The following TRPM7 variants were observed in gnomAD, a reference collection of about 807,000 sequenced individuals.
TRPM7 encodes LTRPC ion channel family member 7.
In TRPM7, 134 loss-of-function variants were observed where a neutral mutation model predicts 229.7. That is an observed-to-expected ratio of 0.58 (90% CI 0.51 to 0.67). TRPM7 has a LOEUF of 0.67. Ranked by LOEUF, TRPM7 falls within the 30% of genes least tolerant of loss-of-function variation. The probability of loss-of-function intolerance (pLI) is 0.00; values close to 1 mark genes in which losing one functional copy is unlikely to be tolerated. For missense variants in TRPM7, 1,901 were observed against 2,210.0 expected (o/e 0.86, Z 2.80); for synonymous variants, 699 against 715.2 (o/e 0.98, Z 0.36).
rs983543260 is a variant in TRPM7 at position 50,686,740 on chromosome 15, G to A, written c.-207C>T. ...CATAATTGTGCGACCAACTCCTCCG[G>A]GTGACTGGCCACAGGGACGCGCCCG... On this transcript the variant is annotated 5_prime_UTR_variant, in exon 1 of 39. Coordinates refer to ENST00000646667, the MANE Select transcript of TRPM7 (RefSeq NM_017672.6). 7.4e-5 allele frequency: 45 copies of A among 611,038 alleles called. No individual in the cohort carries two copies. Among genetic ancestry groups the A allele is most frequent in the South Asian group, 1.4e-4 (6 of 42,306 alleles). The allele number at this position is 611,038 out of a possible 1,614,324, so 37.9% of individuals were successfully genotyped here.
chr15:50,603,314 A>AT (rs35061176), intron 21 of TRPM7, among the ~76,000 whole-genome samples: 20 of 150,040 alleles, frequency 1.3e-4, no homozygotes, highest in South Asian at 2.1e-4. Context: ...TAGAAGACTG[A>AT]TTTTTTTTTT....
intron 3 of TRPM7, among the ~76,000 whole-genome samples, chr15:50,652,692 G>A (rs1290813340): frequency 6.6e-6 from 1 of 152,050 alleles, no homozygotes; most frequent in Non-Finnish European, 1.5e-5. Context: ...ATTTCATGAG[G>A]TGAGACTCAT....
At chr15:50,589,678 T>C in intron 26 of TRPM7, 22 bp from the exon 27 acceptor site, 1 of 1,528,480 alleles carries the variant, frequency 6.5e-7, no homozygotes, top group African/African-American at 1.4e-5. Flanking sequence ...AAAAAGATGT[T>C]GCAATGAGAA....
chr15:50,561,729 T>C lies in TRPM7; in HGVS notation c.5547A>G (p.Gly1849=). ...TTGATTCTGATTCTTTGGTGGAATTTCCAGGCTGAAGATTCAAATCTGAAG... is the reference window on the plus strand; with the variant it reads ...TTGATTCTGATTCTTTGGTGGAATTCCCAGGCTGAAGATTCAAATCTGAAG... ...DEPSDLNLQP[G]NSTKESESTN... is the part of the protein sequence containing the mutation. Residue 1849 remains glycine, a synonymous_variant, in exon 39 of 39, where the codon GGA becomes GGG. Transcript: ENST00000646667. The C allele has an allele frequency of 6.2e-7, 1 of 1,612,932 alleles. No homozygotes were observed. Among genetic ancestry groups the C allele is most frequent in the Non-Finnish European group, 8.5e-7 (1 of 1,179,574 alleles).
intron 1 of TRPM7, among the ~76,000 whole-genome samples, chr15:50,676,071 G>C: frequency 6.6e-6 from 1 of 152,194 alleles, no homozygotes; most frequent in South Asian, 2.1e-4. Flanking sequence ...ATGGCACATA[G>C]TCAAATTTCA....
chr15:50,665,875 C>A (rs1321648030), intron 1 of TRPM7, among the ~76,000 whole-genome samples: 2 of 152,028 alleles, frequency 1.3e-5, no homozygotes, highest in Non-Finnish European at 2.9e-5. Flanking sequence ...CACCTGTAAT[C>A]CCAGCTACTC....
intron 21 of TRPM7, among the ~76,000 whole-genome samples, chr15:50,603,505 C>T (rs1427382148): frequency 2.6e-5 from 4 of 151,346 alleles, no homozygotes; most frequent in South Asian, 4.2e-4. Flanking sequence ...CCATTCCCCA[C>T]CGTGTGTCCA....
intron 38 of TRPM7, among the ~76,000 whole-genome samples, chr15:50,568,428 G>A (rs1480457204): frequency 1.3e-5 from 2 of 152,020 alleles, no homozygotes; most frequent in Non-Finnish European, 2.9e-5. Flanking sequence ...TAAGGTTGCA[G>A]GGACATATGC....
intron 28 of TRPM7, 55 bp from the exon 29 acceptor site, chr15:50,583,214 C>G: frequency 6.3e-6 from 8 of 1,269,676 alleles, no homozygotes; most frequent in Non-Finnish European, 8.9e-6. Context: ...TTTATGAATA[C>G]CAACTAACCA....
chr15:50,594,897 C>T (rs1214579008), intron 23 of TRPM7, among the ~76,000 whole-genome samples: 1 of 151,970 alleles, frequency 6.6e-6, no homozygotes, highest in Non-Finnish European at 1.5e-5. Flanking sequence ...CAAGTAAGTG[C>T]AAATTTTAAA....
intron 36 of TRPM7, 127 bp downstream of exon 36, chr15:50,574,147 T>A: frequency 1.4e-6 from 1 of 734,272 alleles, no homozygotes; most frequent in Non-Finnish European, 2.2e-6. Flanking sequence ...TGTGATTAAC[T>A]TGCTTTTTTA....
intron 12 of TRPM7, among the ~76,000 whole-genome samples, chr15:50,622,033 A>AAAAAC (rs914463024): frequency 2.0e-5 from 3 of 152,198 alleles, no homozygotes; most frequent in African/African-American, 7.2e-5. Flanking sequence ...TGCGTCTCAA[A>AAAAAC]AAAACAAAAC....
intron 12 of TRPM7, 68 bp downstream of exon 12, chr15:50,624,098 T>C (rs2140579452): frequency 1.4e-6 from 2 of 1,476,486 alleles, no homozygotes; most frequent in South Asian, 1.4e-5. Flanking sequence ...GGAATGGCTA[T>C]ATTCAGGTAA....
intron 4 of TRPM7, among the ~76,000 whole-genome samples, chr15:50,645,395 T>C (rs916334898): frequency 2.0e-5 from 3 of 152,148 alleles, no homozygotes; most frequent in Non-Finnish European, 4.4e-5. Context: ...AGTCCCGCTC[T>C]GTCGCCCAGG....
chr15:50,674,309 T>G (rs1394615558), intron 1 of TRPM7, among the ~76,000 whole-genome samples: 1 of 152,036 alleles, frequency 6.6e-6, no homozygotes, highest in African/African-American at 2.4e-5. Context: ...TTTTTGTATT[T>G]TTAGTAGAGA....
intron 11 of TRPM7, among the ~76,000 whole-genome samples, chr15:50,626,349 C>CTT (rs1186041111): frequency 2.0e-5 from 3 of 151,826 alleles, no homozygotes; most frequent in African/African-American, 7.3e-5. Flanking sequence ...AAAACAAGAA[C>CTT]ATTCTGTGTT....
At chr15:50,650,053 C>T (rs1211555283) in intron 3 of TRPM7, among the ~76,000 whole-genome samples, 1 of 151,710 alleles carries the variant, frequency 6.6e-6, no homozygotes, top group Non-Finnish European at 1.5e-5. Context: ...ATTAGCTGGG[C>T]ATGGTGGCGC....
intron 2 of TRPM7, among the ~76,000 whole-genome samples, chr15:50,660,245 A>G (rs182304708): frequency 7.8e-4 from 119 of 152,348 alleles, no homozygotes; most frequent in South Asian, 6.2e-4. Flanking sequence ...TGATCCAAAA[A>G]GAACTAATCA....
At chr15:50,569,738 A>C in intron 38 of TRPM7, 149 bp downstream of exon 38, 1 of 481,968 alleles carries the variant, frequency 2.1e-6, no homozygotes, top group Non-Finnish European at 3.7e-6. Flanking sequence ...TTCATTTATA[A>C]CCAACAATAT....
Sources: gnomAD v4.1 joint callset for allele counts (sites outside exome capture counted in the v4.1 genomes callset) on GRCh38, gnomAD v4.1.1 for gene constraint, MANE v1.5 for transcripts, NCBI Gene and HGNC (gene_info 2026-07-23, HGNC 2026-07-21) for gene names.